FRMD5: variants seen among roughly 807,000 people sequenced by gnomAD.
The protein encoded by FRMD5 is FERM domain containing 5.
Under a neutral mutation model 69.0 loss-of-function variants are expected in FRMD5, and 20 were observed. The observed-to-expected ratio is 0.29, with a 90% CI of 0.20 to 0.42. The LOEUF (loss-of-function observed/expected upper bound fraction) is 0.42, where lower values mean the gene tolerates loss of function less well. FRMD5 is among the 10% of genes least tolerant of loss of function. The pLI, the probability that FRMD5 is intolerant of heterozygous loss-of-function variation, is 1.00. For missense variants in FRMD5, 595 were observed against 708.6 expected, an observed-to-expected ratio of 0.84 and a Z score of 1.82; for synonymous variants, 271 against 260.1, an observed-to-expected ratio of 1.04 and a Z score of -0.40.
chr15:44,033,059 G>C (rs1891754295), intron 1 of FRMD5, among the ~76,000 whole-genome samples: 1 of 152,178 alleles, frequency 6.6e-6, no homozygotes, highest in South Asian at 2.1e-4. Context: ...TCTTTTGCAG[G>C]AACATGGATG....
At chr15:43,958,728 G>A (rs1385757982) in intron 1 of FRMD5, among the ~76,000 whole-genome samples, 4 of 152,188 alleles carry the variant, frequency 2.6e-5, no homozygotes, top group African/African-American at 7.2e-5. Context: ...GGTTACAGGC[G>A]TGAGCCACCC....
chr15:43,934,056 TC>T (rs895181541), intron 1 of FRMD5, among the ~76,000 whole-genome samples: 3 of 152,136 alleles, frequency 2.0e-5, no homozygotes, highest in African/African-American at 7.2e-5. Flanking sequence ...ACATCTACGC[TC>T]CTTGAGGCTC....
At chr15:44,063,501 CT>C (rs376370002) in intron 1 of FRMD5, 49 of 396,326 alleles carry the variant, frequency 1.2e-4, no homozygotes, top group African/African-American at 9.9e-4. Flanking sequence ...AGCTGCACCC[CT>C]GGGACACCAT....
At chr15:44,043,126 C>T (rs1017382576) in intron 1 of FRMD5, among the ~76,000 whole-genome samples, 3 of 152,202 alleles carry the variant, frequency 2.0e-5, no homozygotes, top group African/African-American at 7.2e-5. Context: ...CATTCCTATA[C>T]ACCAATAACA....
chr15:43,993,188 G>C (rs774772579), intron 1 of FRMD5, among the ~76,000 whole-genome samples: 18 of 151,910 alleles, frequency 1.2e-4, no homozygotes, highest in Non-Finnish European at 2.4e-4. Flanking sequence ...TAACATAATA[G>C]TTTTTTTGTT....
At chr15:44,173,052 C>T (rs1264656079) in intron 1 of FRMD5, among the ~76,000 whole-genome samples, 1 of 152,150 alleles carries the variant, frequency 6.6e-6, no homozygotes, top group Non-Finnish European at 1.5e-5. Flanking sequence ...AAATACATGA[C>T]CCCACCGTTC....
chr15:44,111,713 C>G (rs1252525675), intron 1 of FRMD5, among the ~76,000 whole-genome samples: 1 of 152,220 alleles, frequency 6.6e-6, no homozygotes, highest in Non-Finnish European at 1.5e-5. Flanking sequence ...ACTCCTAGTA[C>G]TCTCTCCATT....
intron 2 of FRMD5, among the ~76,000 whole-genome samples, chr15:43,921,255 T>C (rs1266477548): frequency 2.6e-5 from 4 of 152,148 alleles, no homozygotes; most frequent in African/African-American, 7.2e-5. Context: ...GAGGAGAACA[T>C]AGCCAGTGCC....
At chr15:44,109,280 T>C (rs2088708131) in intron 1 of FRMD5, among the ~76,000 whole-genome samples, 1 of 152,146 alleles carries the variant, frequency 6.6e-6, no homozygotes, top group Non-Finnish European at 1.5e-5. Context: ...TTTCTTTTAC[T>C]GTGGTAAAAT....
At chr15:44,164,779 A>G (rs2077680933) in intron 1 of FRMD5, among the ~76,000 whole-genome samples, 1 of 152,212 alleles carries the variant, frequency 6.6e-6, no homozygotes, top group South Asian at 2.1e-4. Context: ...CACAGTGAAG[A>G]AGCAGGAACC....
At chr15:44,107,504 C>T (rs1945895227) in intron 1 of FRMD5, among the ~76,000 whole-genome samples, 2 of 152,170 alleles carry the variant, frequency 1.3e-5, no homozygotes, top group Non-Finnish European at 2.9e-5. Context: ...CTCTTTATTA[C>T]ACATCTCTTC....
At chr15:43,976,329 A>G (rs1226294575) in intron 1 of FRMD5, among the ~76,000 whole-genome samples, 1 of 152,226 alleles carries the variant, frequency 6.6e-6, no homozygotes, top group African/African-American at 2.4e-5. Flanking sequence ...TTCAAAAGAA[A>G]CTGTTGAGAG....
intron 1 of FRMD5, among the ~76,000 whole-genome samples, chr15:44,074,258 A>C (rs1893664781): frequency 6.6e-6 from 1 of 152,198 alleles, no homozygotes; most frequent in South Asian, 2.1e-4. Context: ...TTTATTTCAA[A>C]AAGCTTATTT....
intron 1 of FRMD5, among the ~76,000 whole-genome samples, chr15:43,987,522 C>T (rs1889450048): frequency 6.6e-6 from 1 of 152,128 alleles, no homozygotes; most frequent in Non-Finnish European, 1.5e-5. Context: ...GATTCCAGCA[C>T]ATTACAGTTA....
chr15:44,090,872 T>G (rs1441157522), intron 1 of FRMD5, among the ~76,000 whole-genome samples: 3 of 152,158 alleles, frequency 2.0e-5, no homozygotes, highest in Non-Finnish European at 4.4e-5. Context: ...CTACTATGAA[T>G]CCTTACCATG....
At chr15:44,032,346 A>T (rs924115645) in intron 1 of FRMD5, among the ~76,000 whole-genome samples, 1 of 152,238 alleles carries the variant, frequency 6.6e-6, no homozygotes, top group Non-Finnish European at 1.5e-5. Flanking sequence ...GCAAAAATTG[A>T]CAAGTGGGAT....
At chr15:44,091,396 T>G (rs1350809295) in intron 1 of FRMD5, among the ~76,000 whole-genome samples, 1 of 152,108 alleles carries the variant, frequency 6.6e-6, no homozygotes, top group Non-Finnish European at 1.5e-5. Flanking sequence ...ATATCCTGTT[T>G]CTTCAACCAG....
intron 5 of FRMD5, among the ~76,000 whole-genome samples, chr15:43,908,165 A>G (rs771622320): frequency 1.3e-5 from 2 of 152,018 alleles, no homozygotes; most frequent in Non-Finnish European, 2.9e-5. Flanking sequence ...CATCTCTACA[A>G]AAAAATTAAA....
At chr15:44,097,930 G>T (rs1595717264) in intron 1 of FRMD5, among the ~76,000 whole-genome samples, 1 of 152,054 alleles carries the variant, frequency 6.6e-6, no homozygotes, top group East Asian at 1.9e-4. Context: ...AGGAGCTGCA[G>T]AATGGCCTTT....
Sources: allele counts gnomAD v4.1 joint callset (sites outside exome capture counted in the v4.1 genomes callset), GRCh38; gene constraint gnomAD v4.1.1; transcripts MANE v1.5; gene names NCBI Gene and HGNC (gene_info 2026-07-23, HGNC 2026-07-21).